DNAJC1: variants seen among roughly 807,000 people sequenced by gnomAD.
DNAJC1 encodes dnaJ homolog subfamily C member 1.
Under a neutral mutation model 76.6 loss-of-function variants are expected in DNAJC1, and 58 were observed. The observed-to-expected ratio is 0.76, with a 90% confidence interval of 0.61 to 0.94. DNAJC1 has a LOEUF of 0.94. Among genes scored for constraint, DNAJC1 ranks in the 40% least tolerant of loss-of-function variants. The pLI is 0.00. For missense variants in DNAJC1, 689 were observed against 677.3 expected, an observed-to-expected ratio of 1.02 and a Z score of -0.19; for synonymous variants, 258 against 267.9, an observed-to-expected ratio of 0.96 and a Z score of 0.36.
intron 8 of DNAJC1, among the ~76,000 whole-genome samples, chr10:21,829,468 G>A (rs1346288802): frequency 3.9e-5 from 6 of 152,208 alleles, no homozygotes; most frequent in South Asian, 2.1e-4. Flanking sequence ...CGCCCACCTC[G>A]GCCTCCCAAA....
intron 1 of DNAJC1, among the ~76,000 whole-genome samples, chr10:21,974,915 T>A (rs1838038052): frequency 6.6e-6 from 1 of 151,994 alleles, no homozygotes; most frequent in African/African-American, 2.4e-5. Context: ...AAAAATACAA[T>A]GCAGGGTGAA....
chr10:21,886,971 T>C (rs966203666), intron 7 of DNAJC1, among the ~76,000 whole-genome samples: 4 of 152,190 alleles, frequency 2.6e-5, no homozygotes, highest in African/African-American at 9.7e-5. Context: ...GCAATTGACA[T>C]GATTCTATAT....
At chr10:21,971,097 G>A (rs1017744711) in intron 1 of DNAJC1, among the ~76,000 whole-genome samples, 1 of 151,538 alleles carries the variant, frequency 6.6e-6, no homozygotes, top group Non-Finnish European at 1.5e-5. Context: ...GAATAAAATA[G>A]TATTTTAGTT....
At chr10:21,778,101 A>C (rs569012447) in intron 9 of DNAJC1, among the ~76,000 whole-genome samples, 1 of 152,308 alleles carries the variant, frequency 6.6e-6, no homozygotes, top group South Asian at 2.1e-4. Flanking sequence ...AAGCATGAGA[A>C]TCGCTTGAAC....
intron 8 of DNAJC1, among the ~76,000 whole-genome samples, chr10:21,867,609 AC>A (rs1836023889): frequency 5.3e-5 from 8 of 152,162 alleles, no homozygotes; most frequent in Admixed American, 5.2e-4. Context: ...GACCGATAAG[AC>A]CCTGAAAACC....
intron 7 of DNAJC1, among the ~76,000 whole-genome samples, 171 bp downstream of exon 7, chr10:21,904,351 A>G (rs45539543): frequency 0.022 from 3,410 of 152,080 alleles, 52 homozygotes; most frequent in Non-Finnish European, 0.035. Flanking sequence ...TAATGCTATA[A>G]TGTAGGATGT....
intron 7 of DNAJC1, among the ~76,000 whole-genome samples, chr10:21,902,327 CTTTT>C (rs916298375): frequency 6.6e-6 from 1 of 151,332 alleles, no homozygotes; most frequent in Non-Finnish European, 1.5e-5. Context: ...TTAAAAGAGA[CTTTT>C]TTTTTGAGAC....
At chr10:21,775,219 A>G (rs536083783) in intron 9 of DNAJC1, among the ~76,000 whole-genome samples, 7 of 152,044 alleles carry the variant, frequency 4.6e-5, no homozygotes, top group Non-Finnish European at 1.0e-4. Flanking sequence ...GCAGCAAAGC[A>G]CAGTCGATTT....
intron 1 of DNAJC1, among the ~76,000 whole-genome samples, chr10:21,983,783 A>G (rs532585301): frequency 2.0e-5 from 3 of 152,002 alleles, no homozygotes; most frequent in East Asian, 3.9e-4. Context: ...GGAGGAAAGA[A>G]CGGTAAGTTG....
intron 6 of DNAJC1, among the ~76,000 whole-genome samples, chr10:21,914,636 AC>A (rs1211092081): frequency 4.6e-5 from 7 of 152,208 alleles, no homozygotes; most frequent in Non-Finnish European, 8.8e-5. Flanking sequence ...GAATCTACAG[AC>A]CTGGAATACA....
chr10:21,919,710 T>A, intron 5 of DNAJC1, 122 bp downstream of exon 5: 1 of 620,088 alleles, frequency 1.6e-6, no homozygotes, highest in South Asian at 3.1e-5. Flanking sequence ...ATTAGTCTTT[T>A]ATAAGACTAC....
chr10:21,935,710 T>A, intron 1 of DNAJC1, among the ~76,000 whole-genome samples: 2 of 149,358 alleles, frequency 1.3e-5, no homozygotes, highest in Admixed American at 6.7e-5. Flanking sequence ...AAAGAAAGAG[T>A]CCCGAAAGCA....
At chr10:21,889,301 C>T (rs1345914752) in intron 7 of DNAJC1, among the ~76,000 whole-genome samples, 1 of 152,112 alleles carries the variant, frequency 6.6e-6, no homozygotes, top group East Asian at 1.9e-4. Flanking sequence ...ATTTGCTAAA[C>T]CATTCATGAG....
chr10:21,888,740 A>G (rs1300493390), intron 7 of DNAJC1, among the ~76,000 whole-genome samples: 1 of 152,180 alleles, frequency 6.6e-6, no homozygotes, highest in Non-Finnish European at 1.5e-5. Flanking sequence ...ACTTATGAGC[A>G]CAAAGAAGGA....
At chr10:21,803,730 G>C (rs1245635969) in intron 9 of DNAJC1, 2 of 630,618 alleles carry the variant, frequency 3.2e-6, no homozygotes, top group Non-Finnish European at 3.9e-6. Context: ...TGAAAATGCA[G>C]TGTGGGTCTA....
intron 10 of DNAJC1, 125 bp downstream of exon 10, chr10:21,766,136 T>C (rs1021736510): frequency 1.9e-5 from 14 of 751,534 alleles, no homozygotes; most frequent in Non-Finnish European, 2.3e-5. Flanking sequence ...TTTGGAGATA[T>C]GACCAGATTT....
At chr10:21,942,488 T>C (rs1237167432) in intron 1 of DNAJC1, among the ~76,000 whole-genome samples, 2 of 151,998 alleles carry the variant, frequency 1.3e-5, no homozygotes, top group Admixed American at 6.6e-5. Context: ...GGTGTTTATG[T>C]TTACAAATAT....
intron 1 of DNAJC1, among the ~76,000 whole-genome samples, chr10:21,981,667 T>C (rs1034308176): frequency 9.2e-5 from 14 of 152,122 alleles, no homozygotes; most frequent in African/African-American, 2.7e-4. Flanking sequence ...CATGAGATAA[T>C]ATGTGTATTC....
At chr10:21,842,405 T>C (rs1424502291) in intron 8 of DNAJC1, among the ~76,000 whole-genome samples, 1 of 151,886 alleles carries the variant, frequency 6.6e-6, no homozygotes, top group African/African-American at 2.4e-5. Context: ...CACAGAGAGG[T>C]AGGGCCAGGA....
Sources: allele counts gnomAD v4.1 joint callset (sites outside exome capture counted in the v4.1 genomes callset), GRCh38; gene constraint gnomAD v4.1.1; transcripts MANE v1.5; gene names NCBI Gene and HGNC (gene_info 2026-07-23, HGNC 2026-07-21).